The following CSMD1 variants were observed in gnomAD, a reference collection of about 807,000 sequenced individuals.
CSMD1 encodes CUB and sushi domain-containing protein 1.
In CSMD1, 213 loss-of-function variants were observed where a neutral mutation model predicts 417.5. The observed-to-expected ratio is 0.51, with a 90% CI of 0.46 to 0.57. The LOEUF (loss-of-function observed/expected upper bound fraction) is 0.57. CSMD1 is among the 20% of genes least tolerant of loss of function. CSMD1 has a pLI of 0.00. For missense variants in CSMD1, 6,923 were observed against 4,529.7 expected, an observed-to-expected ratio of 1.53 and a Z score of -15.17; for synonymous variants, 2,862 against 1,736.8, an observed-to-expected ratio of 1.65 and a Z score of -16.11.
At chr8:3,158,141 C>A (rs1264660121) in intron 38 of CSMD1, among the ~76,000 whole-genome samples, 175 bp from the exon 39 acceptor site, 1 of 151,948 alleles carries the variant, frequency 6.6e-6, no homozygotes, top group Non-Finnish European at 1.5e-5. Flanking sequence ...CATTTTGAAC[C>A]AACATAGAAA....
At chr8:4,041,218 C>A (rs1472662177) in intron 3 of CSMD1, among the ~76,000 whole-genome samples, 1 of 151,898 alleles carries the variant, frequency 6.6e-6, no homozygotes, top group African/African-American at 2.4e-5. Flanking sequence ...GGGGTTTCAC[C>A]GTGTTAGCCA....
chr8:4,775,308 T>C (rs1456240708), intron 1 of CSMD1, among the ~76,000 whole-genome samples: 1 of 152,150 alleles, frequency 6.6e-6, no homozygotes, highest in Admixed American at 6.6e-5. Context: ...TCCAGAGGAA[T>C]CAAGGTGATA....
At chr8:3,182,950 G>GGGTTGTTAGTAGAGAAGA (rs1821498170) in intron 36 of CSMD1, 1 of 147,468 alleles carries the variant, frequency 6.8e-6, no homozygotes, top group East Asian at 2.1e-4. Context: ...AGTAGAGAAG[G>GGGTTGTTAGTAGAGAAGA]GGTTTCACCG....
At chr8:3,002,226 A>T (rs1277797247) in intron 52 of CSMD1, among the ~76,000 whole-genome samples, 1 of 152,214 alleles carries the variant, frequency 6.6e-6, no homozygotes, top group South Asian at 2.1e-4. Flanking sequence ...TTGTGAAGAG[A>T]GACCCCCTGA....
At chr8:3,351,695 C>G (rs536627745) in intron 21 of CSMD1, among the ~76,000 whole-genome samples, 1 of 146,736 alleles carries the variant, frequency 6.8e-6, no homozygotes, top group African/African-American at 2.5e-5. Context: ...AAATGATATA[C>G]GAATAATTGT....
At chr8:3,891,532 A>T (rs1201265769) in intron 5 of CSMD1, among the ~76,000 whole-genome samples, 1 of 152,052 alleles carries the variant, frequency 6.6e-6, no homozygotes, top group African/African-American at 2.4e-5. Flanking sequence ...CACACACAAA[A>T]AAAAGCCAAT....
chr8:4,519,877 A>G (rs1481367913), intron 2 of CSMD1, among the ~76,000 whole-genome samples: 1 of 149,606 alleles, frequency 6.7e-6, no homozygotes, highest in Non-Finnish European at 1.5e-5. Flanking sequence ...TTGGTTCATG[A>G]GGAAGTGAAT....
chr8:4,422,295 G>A (rs1797291349), intron 2 of CSMD1, among the ~76,000 whole-genome samples: 1 of 152,012 alleles, frequency 6.6e-6, no homozygotes, highest in African/African-American at 2.4e-5. Context: ...TTGTGGCATT[G>A]ACACTACCCT....
At chr8:4,369,827 G>C (rs1227918522) in intron 3 of CSMD1, among the ~76,000 whole-genome samples, 1 of 152,108 alleles carries the variant, frequency 6.6e-6, no homozygotes, top group Non-Finnish European at 1.5e-5. Context: ...TATGGGTGTT[G>C]TTACTTGTAA....
At chr8:3,396,481 T>C in intron 16 of CSMD1, 100 bp from the exon 17 acceptor site, 1 of 752,762 alleles carries the variant, frequency 1.3e-6, no homozygotes, top group South Asian at 2.1e-5. Context: ...CCATGTACGT[T>C]AACATGAAGA....
Position 3,563,054 on chromosome 8 carries a change from G to A in CSMD1, c.1344+11891C>T, listed in dbSNP as rs577004475. On this transcript the variant is annotated intron_variant, in intron 10 of 69. Transcript: ENST00000635120. ...AGAATGCAATGCCATTCTTTGCTTG[G>A]TCATGATCTGGGTGGGAGGAATTAT... is the stretch of plus-strand genomic sequence containing the variant. 2.6e-5 allele frequency among the ~76,000 whole-genome samples: 4 copies of A among 152,064 alleles called. No homozygotes were observed. The South Asian group carries it at 8.3e-4, about 32-fold the overall frequency.
At chr8:3,603,545 A>C (rs1480636600) in intron 8 of CSMD1, among the ~76,000 whole-genome samples, 1 of 152,228 alleles carries the variant, frequency 6.6e-6, no homozygotes, top group Admixed American at 6.5e-5. Flanking sequence ...ACACTGGTTC[A>C]AGAAATAAGA....
intron 3 of CSMD1, among the ~76,000 whole-genome samples, chr8:4,111,780 G>A (rs913169311): frequency 1.3e-5 from 2 of 152,154 alleles, no homozygotes; most frequent in Admixed American, 1.3e-4. Flanking sequence ...GGGGCATAGG[G>A]TGAGGGAGAG....
chr8:4,429,396 A>G (rs1239504772), intron 2 of CSMD1, among the ~76,000 whole-genome samples: 1 of 152,172 alleles, frequency 6.6e-6, no homozygotes, highest in Admixed American at 6.5e-5. Context: ...TACAAACTAT[A>G]TCGGACAAAG....
rs186573792 is a variant in CSMD1, at chr8:4,742,822, G to T, written c.86-105264C>A. Among the ~76,000 whole-genome samples, 1,067 of 152,188 alleles carry T rather than the reference G, an allele frequency of 7.0e-3. 12 individuals carry two copies. The highest frequency in any genetic ancestry group is 0.034 in the Middle Eastern group (10 of 294). On this transcript the variant is annotated intron_variant, in intron 1 of 69. Coordinates refer to ENST00000635120, the MANE Select transcript of CSMD1 (RefSeq NM_033225.6). Reference sequence around the variant, plus strand: ...ATAAATCGCAGAAAATTTTTCTGTAGAGCATTTTTATATATCAAATTGCAG... The same window carrying T: ...ATAAATCGCAGAAAATTTTTCTGTATAGCATTTTTATATATCAAATTGCAG...
At chr8:3,453,469 A>C (rs543019328) in intron 12 of CSMD1, among the ~76,000 whole-genome samples, 12 of 152,236 alleles carry the variant, frequency 7.9e-5, no homozygotes, top group Non-Finnish European at 1.6e-4. Flanking sequence ...ATTTCCCTCT[A>C]CACACTGCTT....
chr8:3,183,065 G>C (rs941284437), intron 36 of CSMD1: 1 of 151,938 alleles, frequency 6.6e-6, no homozygotes, highest in Non-Finnish European at 1.5e-5. Flanking sequence ...GCCTAGAAGA[G>C]GCTTTTTAAA....
At chr8:4,064,771 G>C (rs1455866539) in intron 3 of CSMD1, among the ~76,000 whole-genome samples, 1 of 152,082 alleles carries the variant, frequency 6.6e-6, no homozygotes, top group Non-Finnish European at 1.5e-5. Context: ...AAACAATCCA[G>C]TCCATTTAGA....
At chr8:3,826,557 G>A (rs985614396) in intron 5 of CSMD1, among the ~76,000 whole-genome samples, 7 of 152,164 alleles carry the variant, frequency 4.6e-5, no homozygotes, top group Admixed American at 1.3e-4. Flanking sequence ...TGATATGAGC[G>A]CCTCTCTCTG....
Sources: allele counts gnomAD v4.1 joint callset (sites outside exome capture counted in the v4.1 genomes callset), GRCh38; gene constraint gnomAD v4.1.1; transcripts MANE v1.5; gene names NCBI Gene and HGNC (gene_info 2026-07-23, HGNC 2026-07-21).